The following NBAS variants were observed in gnomAD, a reference collection of about 807,000 sequenced individuals.
NBAS encodes the protein NBAS subunit of NRZ tethering complex.
NBAS carries 219 observed loss-of-function variants against 302.5 expected under a neutral mutation model. That is an observed-to-expected ratio of 0.72 (90% CI 0.65 to 0.81). NBAS has a LOEUF of 0.81. Ranked by LOEUF, NBAS falls within the 30% of genes least tolerant of loss-of-function variation. The pLI is 0.00. For missense variants in NBAS, 2,932 were observed against 2,841.6 expected (o/e 1.03, Z -0.72); for synonymous variants, 1,118 against 1,021.6 (o/e 1.09, Z -1.80).
the NBAS span, among the ~76,000 whole-genome samples, chr2:15,003,267 C>T: frequency 1.3e-5 from 2 of 152,188 alleles, no homozygotes; most frequent in African/African-American, 4.8e-5. Flanking sequence ...CGATTCTGTA[C>T]TCCATGTGTT....
intron 21 of NBAS, among the ~76,000 whole-genome samples, chr2:15,448,914 AG>A (rs1352241434): frequency 6.6e-6 from 1 of 152,214 alleles, no homozygotes; most frequent in Non-Finnish European, 1.5e-5. Flanking sequence ...AAAGAATTAT[AG>A]GGACTATTTA....
chr2:14,886,001 T>C, the NBAS span, among the ~76,000 whole-genome samples: 1 of 152,196 alleles, frequency 6.6e-6, no homozygotes, highest in Non-Finnish European at 1.5e-5. Context: ...AAGTTTGCTA[T>C]GTAGAAAAGC....
At chr2:15,063,844 A>G in the NBAS span, among the ~76,000 whole-genome samples, 3 of 152,186 alleles carry the variant, frequency 2.0e-5, no homozygotes. Flanking sequence ...TACCCTCCAG[A>G]ATCATGAGAA....
chr2:14,911,087 T>C, the NBAS span, among the ~76,000 whole-genome samples: 1 of 152,204 alleles, frequency 6.6e-6, no homozygotes, highest in East Asian at 1.9e-4. Context: ...GTTCCTTCCT[T>C]TGAACAAAGA....
intron 17 of NBAS, among the ~76,000 whole-genome samples, chr2:15,468,052 T>C (rs1277796695): frequency 6.6e-6 from 1 of 152,174 alleles, no homozygotes; most frequent in Non-Finnish European, 1.5e-5. Context: ...TAGGAAGAGA[T>C]GTGGGGTTAC....
chr2:14,895,804 G>A, the NBAS span, among the ~76,000 whole-genome samples: 8 of 151,664 alleles, frequency 5.3e-5, no homozygotes, highest in Admixed American at 4.6e-4. Context: ...GAATGGGTAC[G>A]CTTGGATACA....
rs1360581823 is a variant in NBAS, at chr2:15,473,469, C to T, written c.1600-122G>A. ...ATCCAGCATGTCACTAATTCCTGTG[C>T]ACTGTGGCACCAGAAGCTCACAGAT... On this transcript the variant is annotated intron_variant, in intron 15 of 51. Transcript: ENST00000281513. 5.6e-6 allele frequency: 7 copies of T among 1,250,534 alleles called. No individual in the cohort carries two copies. In the Admixed American group the frequency reaches 1.4e-4, roughly 25 times the overall value. 77.5% of individuals were successfully genotyped at this position (1,250,534 alleles called of 1,614,324 possible).
At chr2:15,137,202 T>A in the NBAS span, among the ~76,000 whole-genome samples, 3 of 152,238 alleles carry the variant, frequency 2.0e-5, no homozygotes, top group African/African-American at 7.2e-5. Context: ...ATAAATTTGT[T>A]TTTTATAAGC....
the NBAS span, among the ~76,000 whole-genome samples, chr2:15,093,306 C>T: frequency 1.4e-3 from 219 of 152,250 alleles, 2 homozygotes; most frequent in Middle Eastern, 3.4e-3. Context: ...ATCTCAGCTA[C>T]TCGGGAGACT....
intron 44 of NBAS, among the ~76,000 whole-genome samples, chr2:15,246,908 C>T (rs1668117669): frequency 6.6e-6 from 1 of 152,126 alleles, no homozygotes; most frequent in African/African-American, 2.4e-5. Context: ...CATGATCATC[C>T]TACAACTACA....
the NBAS span, among the ~76,000 whole-genome samples, chr2:14,780,960 C>T: frequency 2.6e-5 from 4 of 152,030 alleles, no homozygotes; most frequent in Non-Finnish European, 4.4e-5. Flanking sequence ...AGGGAGGATG[C>T]GAAGGCAGTA....
chr2:15,234,773 T>A (rs1667521935), intron 45 of NBAS, 26 bp from the exon 46 acceptor site: 4 of 1,604,212 alleles, frequency 2.5e-6, no homozygotes, highest in Non-Finnish European at 3.4e-6. Flanking sequence ...AATCAGCACT[T>A]AAGTATCAAA....
At chr2:15,303,234 A>C (rs1670885599) in intron 40 of NBAS, among the ~76,000 whole-genome samples, 1 of 152,220 alleles carries the variant, frequency 6.6e-6, no homozygotes. Flanking sequence ...AGAAATAAGA[A>C]CGACAGTTAA....
chr2:15,110,983 G>A, the NBAS span, among the ~76,000 whole-genome samples: 3 of 152,092 alleles, frequency 2.0e-5, no homozygotes, highest in Non-Finnish European at 2.9e-5. Context: ...TTACTTTGGG[G>A]GAGATACATC....
chr2:14,799,119 T>G, the NBAS span, among the ~76,000 whole-genome samples: 1 of 152,062 alleles, frequency 6.6e-6, no homozygotes, highest in South Asian at 2.1e-4. Context: ...TCTTTTTTTC[T>G]GATTTCTCAA....
intron 9 of NBAS, among the ~76,000 whole-genome samples, chr2:15,524,387 G>T (rs533013704): frequency 6.6e-6 from 1 of 152,200 alleles, no homozygotes; most frequent in African/African-American, 2.4e-5. Flanking sequence ...TAAATGTGAT[G>T]ATATAGATTG....
intron 12 of NBAS, among the ~76,000 whole-genome samples, chr2:15,485,542 C>G (rs1383960862): frequency 1.3e-5 from 2 of 152,208 alleles, no homozygotes; most frequent in Non-Finnish European, 2.9e-5. Flanking sequence ...AAAATCAAAT[C>G]TCAGCTCTAT....
intron 42 of NBAS, among the ~76,000 whole-genome samples, chr2:15,279,442 C>A (rs925328041): frequency 6.6e-6 from 1 of 152,106 alleles, no homozygotes; most frequent in Admixed American, 6.6e-5. Flanking sequence ...GATATGAGTT[C>A]TCTCTCCCAG....
At chr2:15,301,286 C>T (rs1381839493) in intron 40 of NBAS, among the ~76,000 whole-genome samples, 5 of 152,198 alleles carry the variant, frequency 3.3e-5, no homozygotes, top group Non-Finnish European at 7.3e-5. Context: ...GAAGTAACCA[C>T]ACTTCTGAGT....
Sources: gnomAD v4.1 joint callset for allele counts (sites outside exome capture counted in the v4.1 genomes callset) on GRCh38, gnomAD v4.1.1 for gene constraint, MANE v1.5 for transcripts, NCBI Gene and HGNC (gene_info 2026-07-23, HGNC 2026-07-21) for gene names.